FBN2: variants seen among roughly 807,000 people sequenced by gnomAD.
The protein encoded by FBN2 is fibrillin-2.
FBN2 carries 105 observed loss-of-function variants against 355.6 expected under a neutral mutation model. The ratio of observed to expected loss-of-function variants is 0.30; its 90% CI spans 0.25 to 0.35. The LOEUF (loss-of-function observed/expected upper bound fraction) is 0.35, where lower values mean the gene tolerates loss of function less well. FBN2 is among the 10% of genes least tolerant of loss of function. The pLI, the probability that FBN2 is intolerant of heterozygous loss-of-function variation, is 1.00. For missense variants in FBN2, 3,280 were observed against 3,758.7 expected (o/e 0.87, Z 3.33); for synonymous variants, 1,350 against 1,301.2 (o/e 1.04, Z -0.81).
intron 44 of FBN2, 115 bp from the exon 45 acceptor site, chr5:128,305,197 A>T: frequency 1.1e-6 from 1 of 943,694 alleles, no homozygotes; most frequent in Non-Finnish European, 1.7e-6. Context: ...GCTGAAAATG[A>T]ACCATAACAA....
intron 17 of FBN2, chr5:128,365,141 T>G (rs762728317): frequency 1.2e-4 from 19 of 164,904 alleles, no homozygotes; most frequent in Non-Finnish European, 2.6e-5. Flanking sequence ...GTACAGGATA[T>G]TTCTATTTTA....
chr5:128,396,151 G>A (rs1752643838), intron 8 of FBN2, among the ~76,000 whole-genome samples: 1 of 152,170 alleles, frequency 6.6e-6, no homozygotes, highest in Non-Finnish European at 1.5e-5. Flanking sequence ...ACTTGCTTGG[G>A]TGTGGGGTAT....
chr5:128,317,519 A>G (rs900642034), intron 36 of FBN2, among the ~76,000 whole-genome samples: 12 of 152,338 alleles, frequency 7.9e-5, no homozygotes, highest in African/African-American at 2.6e-4. Flanking sequence ...TTTCTACTCA[A>G]GCAAGGAATT....
rs760956925 is a variant in FBN2 at position 128,259,423 on chromosome 5, G to A, written c.*32C>T. 3.1e-6 allele frequency: 5 copies of A among 1,611,834 alleles called. No homozygotes were observed. The Admixed American group carries it at 8.3e-5, about 27-fold the overall frequency. ...ATGCTTCTGCAGACTGGCTGTGCTA[G>A]GATTTGAGCCTGGGCCCAAGTCTGT... On this transcript the variant is annotated 3_prime_UTR_variant, in exon 65 of 65. Transcript: ENST00000262464.
chr5:128,429,051 C>A (rs1753552975), intron 7 of FBN2, among the ~76,000 whole-genome samples: 1 of 152,226 alleles, frequency 6.6e-6, no homozygotes, highest in African/African-American at 2.4e-5. Context: ...CATCTGTTTT[C>A]TGTGAGGCCC....
intron 48 of FBN2, among the ~76,000 whole-genome samples, chr5:128,293,523 T>C (rs994903480): frequency 3.3e-5 from 5 of 152,138 alleles, no homozygotes; most frequent in Non-Finnish European, 5.9e-5. Flanking sequence ...AAAACCATTT[T>C]TTCAGAGATG....
chr5:128,384,784 T>C (rs1032676875), intron 11 of FBN2, among the ~76,000 whole-genome samples: 16 of 152,166 alleles, frequency 1.1e-4, no homozygotes, highest in African/African-American at 3.6e-4. Flanking sequence ...GATGAAATTA[T>C]AGTTGGATTT....
intron 19 of FBN2, 101 bp downstream of exon 19, chr5:128,361,622 A>T: frequency 7.1e-7 from 1 of 1,406,820 alleles, no homozygotes; most frequent in Non-Finnish European, 1.0e-6. Flanking sequence ...AAAATATTCA[A>T]ACAATATTCT....
Position 128,309,492 on chromosome 5 carries a change from G to A in FBN2, c.5201-93C>T, listed in dbSNP as rs1027039791. The A allele has an allele frequency of 4.8e-5, 51 of 1,072,742 alleles. No homozygotes were observed. In the Admixed American group the frequency reaches 9.1e-4, roughly 19 times the overall value. 66.5% of individuals were successfully genotyped at this position (1,072,742 alleles called of 1,614,324 possible). A position where few individuals can be genotyped will look rare whatever the true frequency, so the allele number is the denominator to read the frequency against. On this transcript the variant is annotated intron_variant, in intron 40 of 64. Transcript: ENST00000262464. ...GCTGTAGACATCAAGCTTTCCTGAT[G>A]AACACAACTCGGAAACCCTTTTTAG...
chr5:128,408,708 TCCACG>T lies in FBN2; in HGVS notation c.1039_1043del (p.Arg347IlefsTer43), dbSNP rs1441220647. 6.2e-7 allele frequency: 1 copy of T among 1,613,998 alleles called. No individual in the cohort carries two copies. Among genetic ancestry groups the T allele is most frequent in the East Asian group, 2.2e-5 (1 of 44,864 alleles). ...GAGAGCCATCTGTTGAGGTTACATA[TCCACG>T]TGGACAAACACAAAAATAGCTTCCC... On this transcript the variant is annotated frameshift_variant, in exon 8 of 65. Transcript: ENST00000262464. LOFTEE classifies it high-confidence loss of function.
At chr5:128,281,919 T>C (rs558967416) in intron 55 of FBN2, among the ~76,000 whole-genome samples, 234 of 152,252 alleles carry the variant, frequency 1.5e-3, no homozygotes, top group African/African-American at 5.2e-3. Flanking sequence ...CTCAATCTCC[T>C]GACCTCGTGA....
At chr5:128,271,619 C>T (rs1765269102) in intron 62 of FBN2, among the ~76,000 whole-genome samples, 2 of 152,124 alleles carry the variant, frequency 1.3e-5, no homozygotes, top group Non-Finnish European at 2.9e-5. Flanking sequence ...ATGTGAACTC[C>T]TTTAGATTCG....
rs79533510 is a variant in FBN2 at position 128,474,937 on chromosome 5, T to G, written c.629-10016A>C. Among the ~76,000 whole-genome samples, 24 of 152,320 alleles carry G rather than the reference T, an allele frequency of 1.6e-4. No homozygotes were observed. In the East Asian group the frequency reaches 4.4e-3, roughly 28 times the overall value. ...AAAACCATTAGACCGTAGGACATTCTAAGAGGACACAGGTAGCATCTATCA... is the reference window on the plus strand; with the variant it reads ...AAAACCATTAGACCGTAGGACATTCGAAGAGGACACAGGTAGCATCTATCA... On this transcript the variant is annotated intron_variant, in intron 5 of 64. Transcript: ENST00000262464.
chr5:128,333,681 C>CGT lies in FBN2; in HGVS notation c.4100-649_4100-648dup, dbSNP rs200082147. Among the ~76,000 whole-genome samples the CGT allele has an allele frequency of 5.5e-3, 812 of 148,960 alleles. 4 individuals carry two copies. The highest frequency in any genetic ancestry group is 0.022 in the East Asian group (111 of 5,072). ...ATGCTTTCGCCAGTGTGTGTGTGTG[C>CGT]GTGTGTGTGTGTGTGTATTTGTGTG... On this transcript the variant is annotated intron_variant, in intron 31 of 64. Coordinates refer to ENST00000262464, the MANE Select transcript of FBN2 (RefSeq NM_001999.4).
At chr5:128,308,586 TAA>T (rs1025262550) in intron 41 of FBN2, among the ~76,000 whole-genome samples, 6 of 152,182 alleles carry the variant, frequency 3.9e-5, no homozygotes, top group African/African-American at 1.4e-4. Flanking sequence ...CTCCAGGTCA[TAA>T]AAGAGAGCCT....
At chr5:128,355,439 A>G (rs1037079294) in intron 20 of FBN2, among the ~76,000 whole-genome samples, 3 of 152,270 alleles carry the variant, frequency 2.0e-5, no homozygotes, top group Non-Finnish European at 4.4e-5. Flanking sequence ...ATAGTTGAAG[A>G]TTAATTTATA....
intron 5 of FBN2, among the ~76,000 whole-genome samples, chr5:128,506,703 G>A (rs117414864): frequency 2.0e-5 from 3 of 152,160 alleles, no homozygotes; most frequent in East Asian, 1.9e-4. Context: ...CAGAAGTGAC[G>A]AGAGTGACTA....
chr5:128,358,539 CTAATT>C (rs1287815869), intron 19 of FBN2, among the ~76,000 whole-genome samples: 2 of 152,040 alleles, frequency 1.3e-5, no homozygotes, highest in East Asian at 1.9e-4. Context: ...TATCCAGGTG[CTAATT>C]TAATTCTTGA....
intron 36 of FBN2, among the ~76,000 whole-genome samples, chr5:128,314,300 C>T (rs1292645969): frequency 6.6e-6 from 1 of 152,018 alleles, no homozygotes; most frequent in South Asian, 2.1e-4. Flanking sequence ...CATGGTCCCC[C>T]TTCTAATTAG....
Sources: allele counts gnomAD v4.1 joint callset (sites outside exome capture counted in the v4.1 genomes callset), GRCh38; gene constraint gnomAD v4.1.1; transcripts MANE v1.5; gene names NCBI Gene and HGNC (gene_info 2026-07-23, HGNC 2026-07-21).